SLC39A11: variants seen among roughly 807,000 people sequenced by gnomAD.
SLC39A11 encodes the protein zinc transporter ZIP11.
A neutral mutation model predicts 36.1 loss-of-function variants in SLC39A11; 33 were observed. The observed-to-expected ratio is 0.91, with a 90% CI of 0.69 to 1.22. The LOEUF is 1.22. Ranked by LOEUF, SLC39A11 falls within the 50% of genes most tolerant of loss-of-function variation. SLC39A11 has a pLI of 0.00. For missense variants in SLC39A11, 432 were observed against 430.3 expected, an observed-to-expected ratio of 1.00 and a Z score of -0.03; for synonymous variants, 166 against 170.3, an observed-to-expected ratio of 0.97 and a Z score of 0.20.
chr17:73,008,956 G>T (rs984610890), intron 4 of SLC39A11, among the ~76,000 whole-genome samples: 2 of 151,700 alleles, frequency 1.3e-5, no homozygotes, highest in Non-Finnish European at 2.9e-5. Context: ...AGCTACTCAG[G>T]AGGCTAAGGC....
At position 72,955,202 on chromosome 17, in the gene SLC39A11, G is replaced by A. The variant is rs149226778; in HGVS notation, c.307-7327C>T. Among the ~76,000 whole-genome samples, 13 of 151,304 alleles carry A rather than the reference G, an allele frequency of 8.6e-5. No individual in the cohort carries two copies. In the East Asian group the frequency reaches 2.5e-3, roughly 30 times the overall value. ...AAAGAAGCCTGAGCTCCTTCCTCCA[G>A]GAAGCCTTCCTAGATGTACTCAACC... On this transcript the variant is annotated intron_variant, in intron 4 of 9. Coordinates refer to ENST00000255559, the MANE Select transcript of SLC39A11 (RefSeq NM_139177.4).
chr17:72,895,774 A>C (rs1259479696), intron 5 of SLC39A11, among the ~76,000 whole-genome samples: 2 of 152,206 alleles, frequency 1.3e-5, no homozygotes, highest in African/African-American at 2.4e-5. Context: ...TCAAGGAAAG[A>C]AAATTCCATT....
At chr17:72,763,018 G>A (rs1312765761) in intron 6 of SLC39A11, among the ~76,000 whole-genome samples, 1 of 152,098 alleles carries the variant, frequency 6.6e-6, no homozygotes, top group African/African-American at 2.4e-5. Context: ...GTTTCCAATT[G>A]GCTGCCATGG....
intron 6 of SLC39A11, among the ~76,000 whole-genome samples, chr17:72,811,981 C>T (rs528074072): frequency 1.7e-4 from 26 of 152,248 alleles, no homozygotes; most frequent in African/African-American, 5.8e-4. Flanking sequence ...ATTGCATCCA[C>T]AATAAAAAAT....
In SLC39A11 at chr17:72,664,676, C is replaced by A. The variant is rs139656777; in HGVS notation, c.672-15408G>T. ...ATTTGCTAAGTCTGATTATGCTGCT[C>A]CTGTGTTGAAGACACTGCAGTGGCT... On this transcript the variant is annotated intron_variant, in intron 7 of 9. Transcript: ENST00000255559. 3.9e-5 allele frequency among the ~76,000 whole-genome samples: 6 copies of A among 152,348 alleles called. No homozygotes were observed. The East Asian group carries it at 1.2e-3, about 29-fold the overall frequency.
At position 73,035,893 on chromosome 17, in the gene SLC39A11, G is replaced by GTCAGAA. The variant is rs1281207501; in HGVS notation, c.148-4185_148-4180dup. On this transcript the variant is annotated intron_variant, in intron 3 of 9. Coordinates refer to ENST00000255559, the MANE Select transcript of SLC39A11 (RefSeq NM_139177.4). Reference sequence around the variant, plus strand: ...AAAAAAAAAAAAAAAAAAAAGAAGGGTCAGAATCAGAGAGAAAATATGATA... The same window carrying GTCAGAA: ...AAAAAAAAAAAAAAAAAAAAGAAGGGTCAGAATCAGAATCAGAGAGAAAATATGATA... Among the ~76,000 whole-genome samples, 157 of 149,084 alleles carry GTCAGAA rather than the reference G, an allele frequency of 1.1e-3. No homozygotes were observed. The East Asian group carries it at 0.016, about 16-fold the overall frequency.
At chr17:73,051,656 G>A (rs938123822) in intron 3 of SLC39A11, among the ~76,000 whole-genome samples, 3 of 137,956 alleles carry the variant, frequency 2.2e-5, no homozygotes, top group Non-Finnish European at 3.2e-5. Flanking sequence ...TCAGGAGTTC[G>A]AGACCAGCCC....
At chr17:72,738,600 A>G (rs1447841266) in intron 6 of SLC39A11, among the ~76,000 whole-genome samples, 1 of 152,180 alleles carries the variant, frequency 6.6e-6, no homozygotes, top group African/African-American at 2.4e-5. Context: ...CACGGACCAA[A>G]GGAGTGGAAG....
chr17:72,754,439 T>A (rs1169022849), intron 6 of SLC39A11, among the ~76,000 whole-genome samples: 1 of 151,978 alleles, frequency 6.6e-6, no homozygotes, highest in Admixed American at 6.6e-5. Flanking sequence ...CAAAAACCTA[T>A]GGAATTTTTT....
At chr17:72,757,100 AG>A (rs1384555537) in intron 6 of SLC39A11, among the ~76,000 whole-genome samples, 2 of 151,984 alleles carry the variant, frequency 1.3e-5, no homozygotes, top group Non-Finnish European at 2.9e-5. Flanking sequence ...CAGAAGGCGG[AG>A]GTTGCAGTGA....
chr17:73,025,211 G>A (rs2058493907), intron 4 of SLC39A11, among the ~76,000 whole-genome samples: 1 of 152,152 alleles, frequency 6.6e-6, no homozygotes, highest in Non-Finnish European at 1.5e-5. Context: ...CGTCTGGGCA[G>A]GACTGTTGGC....
At chr17:72,984,688 C>T (rs927149679) in intron 4 of SLC39A11, among the ~76,000 whole-genome samples, 1 of 152,170 alleles carries the variant, frequency 6.6e-6, no homozygotes, top group Non-Finnish European at 1.5e-5. Flanking sequence ...TGAGAATCAC[C>T]GCAGTGAAGC....
intron 7 of SLC39A11, among the ~76,000 whole-genome samples, chr17:72,719,155 G>A (rs2073541610): frequency 6.6e-6 from 1 of 152,132 alleles, no homozygotes; most frequent in Non-Finnish European, 1.5e-5. Context: ...GCCGAGGCAT[G>A]AGAATCACTT....
At chr17:72,761,334 C>T (rs1433122848) in intron 6 of SLC39A11, among the ~76,000 whole-genome samples, 5 of 152,014 alleles carry the variant, frequency 3.3e-5, no homozygotes, top group East Asian at 1.9e-4. Context: ...AAGCTGGTCT[C>T]GAACTCCTGA....
chr17:73,078,290 T>C (rs1299667530), intron 3 of SLC39A11, among the ~76,000 whole-genome samples: 2 of 151,024 alleles, frequency 1.3e-5, no homozygotes, highest in South Asian at 2.1e-4. Flanking sequence ...CCATCACTCA[T>C]TTGTAAGTTG....
chr17:72,870,031 TC>T (rs1369896795), intron 5 of SLC39A11, among the ~76,000 whole-genome samples: 1 of 151,848 alleles, frequency 6.6e-6, no homozygotes, highest in Non-Finnish European at 1.5e-5. Flanking sequence ...TTCTTCTTCT[TC>T]TTTTTTTTTT....
At chr17:73,038,374 A>G (rs1341765332) in intron 3 of SLC39A11, among the ~76,000 whole-genome samples, 3 of 152,038 alleles carry the variant, frequency 2.0e-5, no homozygotes, top group Non-Finnish European at 4.4e-5. Context: ...AATGCTGAAC[A>G]AAGTGATTCC....
At chr17:72,786,071 G>C (rs1204436074) in intron 6 of SLC39A11, among the ~76,000 whole-genome samples, 1 of 152,178 alleles carries the variant, frequency 6.6e-6, no homozygotes, top group Non-Finnish European at 1.5e-5. Context: ...CCGACAGGGA[G>C]GCTAGTGACA....
intron 6 of SLC39A11, among the ~76,000 whole-genome samples, chr17:72,759,787 G>C (rs1451041166): frequency 6.6e-6 from 1 of 152,120 alleles, no homozygotes; most frequent in African/African-American, 2.4e-5. Context: ...ATTTAGCTCA[G>C]ATCTAGTATT....
Sources: allele counts gnomAD v4.1 joint callset (sites outside exome capture counted in the v4.1 genomes callset), GRCh38; gene constraint gnomAD v4.1.1; transcripts MANE v1.5; gene names NCBI Gene and HGNC (gene_info 2026-07-23, HGNC 2026-07-21).